Variants in UBE2G1 observed in about 807,000 individuals in gnomAD.
UBE2G1 encodes the protein ubiquitin conjugating enzyme E2 G1.
A neutral mutation model predicts 22.7 loss-of-function variants in UBE2G1; 5 were observed. The observed-to-expected ratio is 0.22, with a 90% CI of 0.12 to 0.46. UBE2G1 has a LOEUF of 0.46. Among genes scored for constraint, UBE2G1 ranks in the 20% least tolerant of loss-of-function variants. The pLI, the probability that UBE2G1 is intolerant of heterozygous loss-of-function variation, is 0.99. For synonymous variants in UBE2G1, 74 were observed against 67.5 expected (o/e 1.10, Z -0.47); for missense variants, 88 against 203.9 (o/e 0.43, Z 3.46).
chr17:4,271,805 CA>C lies in UBE2G1; in HGVS notation c.*748del, dbSNP rs953029665. 1.3e-5 allele frequency: 2 copies of C among 151,464 alleles called. No homozygotes were observed. The allele number at this position is 151,464 out of a possible 1,614,324, so 9.4% of individuals were successfully genotyped here. ...GGTAATGACTGGGATCAAGAGCTCA[CA>C]ACGGCCAATAAATGTTATTGCTATA... On this transcript the variant is annotated 3_prime_UTR_variant, in exon 6 of 6. Coordinates refer to ENST00000396981, the MANE Select transcript of UBE2G1 (RefSeq NM_003342.5).
At chr17:4,328,496 G>A (rs1351815257) in intron 1 of UBE2G1, among the ~76,000 whole-genome samples, 1 of 152,140 alleles carries the variant, frequency 6.6e-6, no homozygotes, top group Non-Finnish European at 1.5e-5. Flanking sequence ...ATTTTGATCT[G>A]AATTCAGTGC....
chr17:4,283,924 G>A (rs1324907286), intron 4 of UBE2G1, among the ~76,000 whole-genome samples: 2 of 151,936 alleles, frequency 1.3e-5, no homozygotes, highest in Non-Finnish European at 2.9e-5. Flanking sequence ...GCCGAGGCAG[G>A]ACCTCAGGAT....
At chr17:4,293,889 A>T (rs1232566768) in intron 3 of UBE2G1, among the ~76,000 whole-genome samples, 1 of 152,152 alleles carries the variant, frequency 6.6e-6, no homozygotes, top group Non-Finnish European at 1.5e-5. Flanking sequence ...TTTTTACTCA[A>T]ATTATTGCTA....
chr17:4,330,976 C>CCACACACACACACACACACA (rs57051928), intron 1 of UBE2G1, among the ~76,000 whole-genome samples: 2,165 of 143,620 alleles, frequency 0.015, 79 homozygotes, highest in African/African-American at 0.053. Flanking sequence ...ACCTTTAAAA[C>CCACACACACACACACACACA]CACACACACA....
At chr17:4,281,666 G>A (rs1022107038) in intron 5 of UBE2G1, among the ~76,000 whole-genome samples, 4 of 152,144 alleles carry the variant, frequency 2.6e-5, no homozygotes, top group African/African-American at 4.8e-5. Context: ...GAACTATTCC[G>A]TTTTCAGAGA....
intron 1 of UBE2G1, among the ~76,000 whole-genome samples, chr17:4,330,529 G>A (rs1038788817): frequency 6.6e-6 from 1 of 151,926 alleles, no homozygotes; most frequent in African/African-American, 2.4e-5. Context: ...CCTGAGGTCA[G>A]GAGTTCGAGG....
At chr17:4,295,105 C>T (rs141531877) in intron 3 of UBE2G1, among the ~76,000 whole-genome samples, 1 of 152,248 alleles carries the variant, frequency 6.6e-6, no homozygotes, top group East Asian at 1.9e-4. Flanking sequence ...GAATCTGTTA[C>T]ATCTTCGAAA....
At chr17:4,364,050 G>C (rs1970001139) in intron 1 of UBE2G1, 1 of 149,958 alleles carries the variant, frequency 6.7e-6, no homozygotes. Context: ...GGATCACCAG[G>C]TCAGGAGTTC....
intron 1 of UBE2G1, among the ~76,000 whole-genome samples, chr17:4,317,618 G>C (rs1179880422): frequency 1.3e-5 from 2 of 152,200 alleles, no homozygotes; most frequent in Non-Finnish European, 2.9e-5. Context: ...GATCAGAGAT[G>C]ATCCCTTAAA....
chr17:4,301,895 TG>T, intron 2 of UBE2G1: 1 of 493,146 alleles, frequency 2.0e-6, no homozygotes. Context: ...TGAAGCTTCG[TG>T]GGGTTCTGCT....
Position 4,282,834 on chromosome 17 carries a change from G to T in UBE2G1, c.*1C>A, listed in dbSNP as rs372895053. ...TGAAGTTACTAGCTGCTAAATAAAT[G>T]TCACTCAAAAGCAGTCTCTTGGCTT... is the stretch of plus-strand genomic sequence containing the variant. On this transcript the variant is annotated 3_prime_UTR_variant, in exon 5 of 6. Transcript: ENST00000396981. 3.7e-6 allele frequency: 6 copies of T among 1,608,982 alleles called. No individual in the cohort carries two copies. The highest frequency in any genetic ancestry group is 5.1e-6 in the Non-Finnish European group (6 of 1,177,962).
At chr17:4,326,190 A>G (rs1969502914) in intron 1 of UBE2G1, among the ~76,000 whole-genome samples, 1 of 152,214 alleles carries the variant, frequency 6.6e-6, no homozygotes, top group East Asian at 1.9e-4. Context: ...TAAATCACCT[A>G]TCTGATAAAG....
chr17:4,348,532 G>A (rs533131502), intron 1 of UBE2G1, among the ~76,000 whole-genome samples: 8 of 137,340 alleles, frequency 5.8e-5, no homozygotes, highest in Non-Finnish European at 1.2e-4. Flanking sequence ...CAGCCTGGGC[G>A]ACAGAGCGAG....
intron 5 of UBE2G1, 61 bp downstream of exon 5, chr17:4,282,737 T>G: frequency 8.9e-7 from 1 of 1,118,448 alleles, no homozygotes; most frequent in Non-Finnish European, 1.3e-6. Context: ...ATCACACAAT[T>G]TCCAAAAACT....
intron 1 of UBE2G1, among the ~76,000 whole-genome samples, chr17:4,341,746 T>C (rs920754574): frequency 6.6e-5 from 10 of 152,338 alleles, no homozygotes; most frequent in African/African-American, 2.4e-4. Flanking sequence ...ATCCGTCCAG[T>C]GCAACTGCCT....
intron 5 of UBE2G1, among the ~76,000 whole-genome samples, chr17:4,274,378 T>TA (rs1968797860): frequency 6.6e-6 from 1 of 152,070 alleles, no homozygotes; most frequent in South Asian, 2.1e-4. Flanking sequence ...TTTGTATTTT[T>TA]AGTAGAGACG....
intron 1 of UBE2G1, among the ~76,000 whole-genome samples, chr17:4,353,806 G>A (rs985204361): frequency 7.5e-5 from 11 of 147,176 alleles, no homozygotes; most frequent in East Asian, 3.9e-4. Flanking sequence ...CACCGTGCCC[G>A]GTCAAATTTT....
intron 1 of UBE2G1, among the ~76,000 whole-genome samples, chr17:4,312,663 T>C (rs1468730003): frequency 4.0e-5 from 5 of 123,954 alleles, no homozygotes; most frequent in Admixed American, 2.2e-4. Context: ...GCCACTGCAC[T>C]CCAGCCTGGG....
chr17:4,311,702 A>G (rs1969311993), intron 1 of UBE2G1, among the ~76,000 whole-genome samples: 1 of 152,234 alleles, frequency 6.6e-6, no homozygotes, highest in Non-Finnish European at 1.5e-5. Context: ...TGAAAGCTAG[A>G]TCGAGCTGGT....
Sources: gnomAD v4.1 joint callset for allele counts (sites outside exome capture counted in the v4.1 genomes callset) on GRCh38, gnomAD v4.1.1 for gene constraint, MANE v1.5 for transcripts, NCBI Gene and HGNC (gene_info 2026-07-23, HGNC 2026-07-21) for gene names.